The following DACT2 variants were observed in gnomAD, a reference collection of about 807,000 sequenced individuals.
The protein encoded by DACT2 is dishevelled binding antagonist of beta catenin 2, also known as dapper homolog 2.
In DACT2, 20 loss-of-function variants were observed where a neutral mutation model predicts 22.2. That is an observed-to-expected ratio of 0.90 (90% confidence interval 0.63 to 1.31). The LOEUF (loss-of-function observed/expected upper bound fraction) is 1.31. Ranked by LOEUF, DACT2 falls within the 50% of genes most tolerant of loss-of-function variation. DACT2 has a pLI of 0.00. For missense variants in DACT2, 1,048 were observed against 1,061.4 expected, an observed-to-expected ratio of 0.99 and a Z score of 0.18; for synonymous variants, 463 against 479.8, an observed-to-expected ratio of 0.96 and a Z score of 0.46.
intron 3 of DACT2, chr6:168,297,981 G>C (rs1231569600): frequency 6.6e-6 from 1 of 152,242 alleles, no homozygotes; most frequent in Non-Finnish European, 1.5e-5. Context: ...TGAGTGAATG[G>C]CACCAAGTCT....
Position 168,307,572 on chromosome 6 carries a change from A to C in DACT2, c.2185T>G (p.Trp729Gly). 1.9e-6 allele frequency: 3 copies of C among 1,550,742 alleles called. No individual in the cohort carries two copies. Among genetic ancestry groups the C allele is most frequent in the Non-Finnish European group, 2.6e-6 (3 of 1,146,708 alleles). ...YVAAGHAELA[W>G]TQEAPVSSGP... ...GAGCTGACCGGGGCCTCCTGGGTCC[A>C]GGCCAGCTCCGCATGCCCGGCCGCC... The change falls in exon 4 of 4, where the codon TGG (tryptophan) becomes GGG (glycine). Residue 729 changes from tryptophan to glycine, a missense_variant. By Grantham distance (184) the Trp-to-Gly change is radical. Transcript: ENST00000366795. The surrounding 1 kb of genome is among the most constrained non-coding windows in gnomAD (Gnocchi z 5.3).
At chr6:168,300,471 G>A (rs1380993654) in intron 3 of DACT2, 3 of 152,210 alleles carry the variant, frequency 2.0e-5, no homozygotes, top group Non-Finnish European at 2.9e-5. Flanking sequence ...GTCCTCAAGT[G>A]GGGTGAGGGG....
intron 3 of DACT2, among the ~76,000 whole-genome samples, chr6:168,301,782 A>C (rs796278520): frequency 1.3e-5 from 2 of 152,280 alleles, no homozygotes; most frequent in African/African-American, 4.8e-5. Context: ...CTGAATAAAC[A>C]ACCTTTGTTT....
downstream of DACT2, among the ~76,000 whole-genome samples, chr6:168,305,512 A>G (rs1295237420): frequency 1.3e-5 from 2 of 152,210 alleles, no homozygotes; most frequent in African/African-American, 4.8e-5. Context: ...GGAAGTTTGC[A>G]CTTTCTGGAG....
At chr6:168,318,133 C>T (rs1204671915) in intron 1 of DACT2, among the ~76,000 whole-genome samples, 4 of 151,840 alleles carry the variant, frequency 2.6e-5, no homozygotes, top group Non-Finnish European at 4.4e-5. Context: ...GTGTGCTGAG[C>T]TGAGGTCACA....
intron 4 of DACT2, chr6:168,294,577 G>GTGTGTATATATATATATATATATATA (rs1177617130): frequency 8.7e-4 from 108 of 124,384 alleles, no homozygotes; most frequent in Non-Finnish European, 1.1e-3. Flanking sequence ...GTGTGTGTGT[G>GTGTGTATATATATATATATATATATA]TATATATATA....
Position 168,310,371 on chromosome 6 carries a change from G to A in DACT2, c.455C>T (p.Ser152Phe). ...AGGCAACAAACTGCCCAGCGAGGGAGAGATGTGGTCACTGCAGACGGAGGC... is the reference window on the plus strand; with the variant it reads ...AGGCAACAAACTGCCCAGCGAGGGAAAGATGTGGTCACTGCAGACGGAGGC... Reference protein sequence around the residue: ...SCASVCSDHISPSLGSLLPVA... With the variant: ...SCASVCSDHIFPSLGSLLPVA... Residue 152 changes from serine (S) to phenylalanine (F), a missense_variant, in exon 3 of 4, where the codon TCT becomes TTT. Ser to Phe is a radical substitution (Grantham distance 155, BLOSUM62 -2). Transcript: ENST00000366795. 2 of 1,551,698 alleles carry A rather than the reference G, an allele frequency of 1.3e-6. No homozygotes were observed. The highest frequency in any genetic ancestry group is 1.4e-5 in the African/African-American group (1 of 73,186).
Position 168,319,388 on chromosome 6 carries a change from C to T in DACT2, c.246G>A (p.Leu82=), listed in dbSNP as rs1583305775. The change falls in exon 1 of 4, where the codon CTG becomes CTA. Residue 82 remains leucine (L), a splice_region_variant and synonymous_variant. Transcript: ENST00000366795. ...EAALAALQEQ[L]SRLRQQDIGL... Reference sequence around the variant, plus strand: ...CCGAGTCCCGGCGCCCGGTCCTTACCAGCTGCTCCTGCAGCGCGGCCAGCG... The same window carrying T: ...CCGAGTCCCGGCGCCCGGTCCTTACTAGCTGCTCCTGCAGCGCGGCCAGCG... 6.7e-6 allele frequency: 8 copies of T among 1,200,950 alleles called. No individual in the cohort carries two copies. The East Asian group carries it at 2.8e-4, about 42-fold the overall frequency. The allele number at this position is 1,200,950 out of a possible 1,614,324, so 74.4% of individuals were successfully genotyped here. A position where few individuals can be genotyped will look rare whatever the true frequency, so the allele number is the denominator to read the frequency against.
Position 168,307,683 on chromosome 6 carries a change from T to G in DACT2, c.2074A>C (p.Asn692His). ...SEGESSDHTT[N>H]RFGDRESSSS... ...CTGGACTCACGGTCTCCGAATCGGT[T>G]GGTGGTGTGGTCACTGGACTCTCCC... Residue 692 changes from asparagine (N) to histidine (H), a missense_variant, in exon 4 of 4, where the codon AAC becomes CAC. Physicochemically the swap from Asn to His is moderately conservative, Grantham distance 68. Transcript: ENST00000366795. The surrounding 1 kb of genome is among the most constrained non-coding windows in gnomAD (Gnocchi z 5.3). 1 of 1,550,128 alleles carries G rather than the reference T, an allele frequency of 6.5e-7. No individual in the cohort carries two copies. Among genetic ancestry groups the G allele is most frequent in the Non-Finnish European group, 8.7e-7 (1 of 1,146,492 alleles).
intron 3 of DACT2, among the ~76,000 whole-genome samples, chr6:168,297,279 T>C (rs1027420727): frequency 4.6e-5 from 7 of 152,076 alleles, no homozygotes; most frequent in African/African-American, 1.7e-4. Flanking sequence ...CACAGGGGGA[T>C]GAAGTTTGCC....
intron 1 of DACT2, among the ~76,000 whole-genome samples, chr6:168,316,062 T>G (rs1190160861): frequency 6.6e-6 from 1 of 152,252 alleles, no homozygotes; most frequent in East Asian, 1.9e-4. Flanking sequence ...GTCTGCGTGT[T>G]CCTTCTGGTC....
At chr6:168,318,758 GTCTC>G (rs1392405664) in intron 1 of DACT2, among the ~76,000 whole-genome samples, 1 of 152,086 alleles carries the variant, frequency 6.6e-6, no homozygotes, top group African/African-American at 2.4e-5. Flanking sequence ...GGAAATCAGA[GTCTC>G]TCTCCTCTGG....
downstream of DACT2, among the ~76,000 whole-genome samples, chr6:168,305,295 C>A (rs1407094391): frequency 2.0e-5 from 3 of 152,150 alleles, no homozygotes; most frequent in African/African-American, 7.2e-5. Flanking sequence ...CTGGAATGCA[C>A]CCCTCCGGGC....
intron 4 of DACT2, chr6:168,294,595 A>G (rs1163734815): frequency 3.2e-6 from 2 of 623,606 alleles, no homozygotes; most frequent in East Asian, 4.1e-5. Flanking sequence ...ATATATATAT[A>G]TATATATACA....
In DACT2 at chr6:168,319,553, C is replaced by A; in HGVS notation, c.81G>T (p.Ala27=). The A allele has an allele frequency of 1.5e-6, 2 of 1,376,940 alleles. No homozygotes were observed. Among genetic ancestry groups the A allele is most frequent in the Non-Finnish European group, 1.9e-6 (2 of 1,057,142 alleles). 85.3% of individuals were successfully genotyped at this position (1,376,940 alleles called of 1,614,324 possible). A position where few individuals can be genotyped will look rare whatever the true frequency, so the allele number is the denominator to read the frequency against. Residue 27 remains alanine (A), a synonymous_variant, in exon 1 of 4, where the codon GCG becomes GCT. Coordinates refer to ENST00000366795, the MANE Select transcript of DACT2 (RefSeq NM_214462.5). ...RLGARLRAAF[A]GLQELQGLRA... ...GCAGCCCCTGCAGCTCCTGCAGCCC[C>A]GCGAACGCCGCGCGCAACCTCGCGC... is the stretch of plus-strand genomic sequence containing the variant.
rs1190504565 is a variant in DACT2 at position 168,319,516 on chromosome 6, G to T, written c.118C>A (p.Gln40Lys). ...QELQGLRATQ[Q>K]ERVRGALALQ... ...GCCAGGGCGCCCCGTACCCGCTCCT[G>T]CTGCGTGGCTCGCAGCCCCTGCAGC... Residue 40 changes from glutamine (Q) to lysine (K), a missense_variant, in exon 1 of 4, where the codon CAG (glutamine) becomes AAG (lysine). Physicochemically the swap from Gln to Lys is moderately conservative, Grantham distance 53. Transcript: ENST00000366795. 3.7e-6 allele frequency: 5 copies of T among 1,352,674 alleles called. No homozygotes were observed. The African/African-American group carries it at 7.6e-5, about 20-fold the overall frequency. The allele number at this position is 1,352,674 out of a possible 1,614,324, so 83.8% of individuals were successfully genotyped here.
chr6:168,310,549 C>G lies in DACT2; in HGVS notation c.380-103G>C. The G allele has an allele frequency of 2.8e-6, 4 of 1,448,886 alleles. No individual in the cohort carries two copies. The South Asian group carries it at 5.6e-5, about 20-fold the overall frequency. 89.8% of individuals were successfully genotyped at this position (1,448,886 alleles called of 1,614,324 possible). A position where few individuals can be genotyped will look rare whatever the true frequency, so the allele number is the denominator to read the frequency against. ...CGGCACAGGTGGGCCCAGGGGAACC[C>G]CTGAGCTGAGGCTACCGGAGGCTGT... On this transcript the variant is annotated intron_variant, in intron 2 of 3. Coordinates refer to ENST00000366795, the MANE Select transcript of DACT2 (RefSeq NM_214462.5).
intron 3 of DACT2, among the ~76,000 whole-genome samples, chr6:168,296,518 C>G (rs578024236): frequency 3.9e-4 from 58 of 148,304 alleles, no homozygotes; most frequent in African/African-American, 1.4e-3. Context: ...CAGATCCATC[C>G]ACAGTGGTGA....
chr6:168,309,524 G>A (rs1212571520), intron 3 of DACT2, among the ~76,000 whole-genome samples: 2 of 152,106 alleles, frequency 1.3e-5, no homozygotes, highest in Non-Finnish European at 2.9e-5. Flanking sequence ...TGCCCGTTGC[G>A]GGAGAGTGCA....
Sources: gnomAD v4.1 joint callset for allele counts (sites outside exome capture counted in the v4.1 genomes callset) on GRCh38, gnomAD v4.1.1 for gene constraint, Gnocchi (gnomAD v3.1) non-coding constraint, MANE v1.5 for transcripts, NCBI Gene and HGNC (gene_info 2026-07-23, HGNC 2026-07-21) for gene names.